The following BRWD1 variants were observed in gnomAD, a reference collection of about 807,000 sequenced individuals.
BRWD1 encodes bromodomain and WD repeat-containing protein 1.
In BRWD1, 82 loss-of-function variants were observed where a neutral mutation model predicts 251.2. That is an observed-to-expected ratio of 0.33 (90% confidence interval 0.27 to 0.39). The LOEUF (loss-of-function observed/expected upper bound fraction) is 0.39. Among genes scored for constraint, BRWD1 ranks in the 10% least tolerant of loss-of-function variants. The pLI is 1.00. For synonymous variants in BRWD1, 918 were observed against 902.8 expected (o/e 1.02, Z -0.30); for missense variants, 2,233 against 2,711.6 (o/e 0.82, Z 3.92).
intron 18 of BRWD1, 50 bp from the exon 19 acceptor site, chr21:39,255,878 T>C (rs2034547447): frequency 6.5e-7 from 1 of 1,528,000 alleles, no homozygotes; most frequent in Non-Finnish European, 9.0e-7. Context: ...TAAACTAATA[T>C]ACATTTAGCA....
In BRWD1 at chr21:39,295,885, T is replaced by C. The variant is rs73903910; in HGVS notation, c.467A>G (p.Lys156Arg). 3.2e-4 allele frequency: 505 copies of C among 1,600,656 alleles called. 1 individual carries two copies. In the African/African-American group the frequency reaches 5.8e-3, roughly 18 times the overall value. ...PPNLVEIHRG[K>R]QLTGCSTFST... is the part of the protein sequence containing the mutation. Reference sequence around the variant, plus strand: ...AAAAGTGGAACACCCTGTGAGTTGTTTTCCTCGATGTATCTCCACTAGGAA... The same window carrying C: ...AAAAGTGGAACACCCTGTGAGTTGTCTTCCTCGATGTATCTCCACTAGGAA... The change falls in exon 7 of 41, where the codon AAA (lysine) becomes AGA (arginine). Residue 156 changes from lysine (K) to arginine (R), a missense_variant. Lys to Arg is a conservative substitution (Grantham distance 26). Coordinates refer to ENST00000342449, the MANE Select transcript of BRWD1 (RefSeq NM_033656.4).
chr21:39,254,260 C>G (rs1601393631), intron 19 of BRWD1, among the ~76,000 whole-genome samples: 1 of 152,114 alleles, frequency 6.6e-6, no homozygotes, highest in African/African-American at 2.4e-5. Flanking sequence ...AAAACTCTGT[C>G]TCAAAAAAAT....
intron 9 of BRWD1, 30 bp from the exon 10 acceptor site, chr21:39,278,843 T>C: frequency 1.3e-6 from 2 of 1,505,352 alleles, no homozygotes; most frequent in Non-Finnish European, 1.8e-6. Flanking sequence ...TGCTTTAAAA[T>C]AGATTATTTT....
chr21:39,314,515 G>C (rs986978845), upstream of BRWD1: 4 of 359,088 alleles, frequency 1.1e-5, no homozygotes, highest in Non-Finnish European at 2.2e-5. Flanking sequence ...TGTGCAGTTA[G>C]AATCCTCTTG....
chr21:39,227,558 A>C (rs959080811), intron 27 of BRWD1, among the ~76,000 whole-genome samples: 1 of 152,172 alleles, frequency 6.6e-6, no homozygotes, highest in Non-Finnish European at 1.5e-5. Flanking sequence ...GAGGTACTAA[A>C]ATTACTCCAA....
chr21:39,252,384 C>A (rs1284312541), intron 19 of BRWD1, among the ~76,000 whole-genome samples: 2 of 152,164 alleles, frequency 1.3e-5, no homozygotes, highest in African/African-American at 4.8e-5. Flanking sequence ...TAGCTCTGCA[C>A]AGCTGTCATT....
chr21:39,210,607 G>A (rs1279441130), intron 35 of BRWD1, among the ~76,000 whole-genome samples, 179 bp downstream of exon 35: 1 of 152,088 alleles, frequency 6.6e-6, no homozygotes, highest in Non-Finnish European at 1.5e-5. Context: ...GCTCACAAGG[G>A]TGTCTATAAA....
At chr21:39,219,553 T>C (rs919966955) in intron 29 of BRWD1, 1 of 152,256 alleles carries the variant, frequency 6.6e-6, no homozygotes, top group African/African-American at 2.4e-5. Context: ...CAGAGCACGT[T>C]TACAATGAGG....
At chr21:39,311,170 T>C (rs2036470701) in intron 4 of BRWD1, among the ~76,000 whole-genome samples, 1 of 151,964 alleles carries the variant, frequency 6.6e-6, no homozygotes, top group African/African-American at 2.4e-5. Flanking sequence ...TATATAAATT[T>C]TTTTTTTAAA....
chr21:39,215,432 A>G, intron 31 of BRWD1, 70 bp from the exon 32 acceptor site: 5 of 1,343,136 alleles, frequency 3.7e-6, no homozygotes, highest in East Asian at 2.3e-5. Context: ...AAAATGCAGC[A>G]TGTGAATTAA....
At chr21:39,214,903 C>T (rs2032819365) in intron 32 of BRWD1, among the ~76,000 whole-genome samples, 1 of 121,122 alleles carries the variant, frequency 8.3e-6, no homozygotes, top group Non-Finnish European at 1.7e-5. Context: ...TTTCTGGAGA[C>T]AGAGTTTTGC....
chr21:39,285,000 A>G (rs1158330805), intron 8 of BRWD1, among the ~76,000 whole-genome samples: 2 of 152,208 alleles, frequency 1.3e-5, no homozygotes, highest in Non-Finnish European at 2.9e-5. Context: ...TGAAATCAGT[A>G]TATTGAAGAG....
chr21:39,295,175 GTTTTTTTTTT>G (rs869129436), intron 7 of BRWD1, among the ~76,000 whole-genome samples: 7 of 64,732 alleles, frequency 1.1e-4, no homozygotes, highest in Admixed American at 2.8e-4. Context: ...GTATGTCTAT[GTTTTTTTTTT>G]TTTTTTTTTT....
chr21:39,303,671 A>G (rs1028768704), intron 4 of BRWD1, among the ~76,000 whole-genome samples: 2 of 151,654 alleles, frequency 1.3e-5, no homozygotes, highest in African/African-American at 4.8e-5. Context: ...CTCTACAAAA[A>G]AAATAGCCAG....
chr21:39,236,012 C>A, intron 23 of BRWD1: 1 of 211,090 alleles, frequency 4.7e-6, no homozygotes, highest in Non-Finnish European at 1.0e-5. Context: ...CATAGGGCAA[C>A]AGGGCCAATC....
At chr21:39,277,400 T>A in intron 10 of BRWD1, 49 bp from the exon 11 acceptor site, 4 of 1,123,228 alleles carry the variant, frequency 3.6e-6, no homozygotes, top group Non-Finnish European at 4.9e-6. Context: ...AACAAATACC[T>A]GAACAAATCA....
At chr21:39,258,922 A>G (rs1329555612) in intron 17 of BRWD1, among the ~76,000 whole-genome samples, 1 of 152,192 alleles carries the variant, frequency 6.6e-6, no homozygotes, top group Non-Finnish European at 1.5e-5. Flanking sequence ...CTGCAAGTGG[A>G]AGCATGGAAA....
chr21:39,281,447 C>T (rs149510748), intron 8 of BRWD1, among the ~76,000 whole-genome samples: 23 of 152,104 alleles, frequency 1.5e-4, no homozygotes, highest in Non-Finnish European at 3.1e-4. Context: ...GTAATCCCAG[C>T]GCTTTGTGGG....
chr21:39,207,872 T>C (rs992137283), intron 36 of BRWD1, among the ~76,000 whole-genome samples: 4 of 152,206 alleles, frequency 2.6e-5, no homozygotes, highest in Admixed American at 6.5e-5. Flanking sequence ...TTTAAGGCAT[T>C]ACACTAAGTG....
Sources: gnomAD v4.1 joint callset for allele counts (sites outside exome capture counted in the v4.1 genomes callset) on GRCh38, gnomAD v4.1.1 for gene constraint, MANE v1.5 for transcripts, NCBI Gene and HGNC (gene_info 2026-07-23, HGNC 2026-07-21) for gene names.